LIMCH1: variants seen among roughly 807,000 people sequenced by gnomAD.
LIMCH1 encodes the protein LIM and calponin homology domains-containing protein 1.
A neutral mutation model predicts 176.5 loss-of-function variants in LIMCH1; 113 were observed. The observed-to-expected ratio is 0.64, with a 90% CI of 0.55 to 0.75. LIMCH1 has a LOEUF of 0.75. LIMCH1 is among the 30% of genes least tolerant of loss of function. LIMCH1 has a pLI of 0.00. For missense variants in LIMCH1, 1,674 were observed against 1,814.9 expected (o/e 0.92, Z 1.41); for synonymous variants, 619 against 645.9 (o/e 0.96, Z 0.63).
At chr4:41,425,745 T>A (rs908430553) in intron 1 of LIMCH1, among the ~76,000 whole-genome samples, 11 of 152,228 alleles carry the variant, frequency 7.2e-5, no homozygotes, top group Admixed American at 7.2e-4. Context: ...CTTTTAGTTG[T>A]TTACAATCAG....
intron 21 of LIMCH1, among the ~76,000 whole-genome samples, chr4:41,669,115 C>G (rs951182626): frequency 6.6e-6 from 1 of 152,118 alleles, no homozygotes; most frequent in South Asian, 2.1e-4. Flanking sequence ...AGACAAAATG[C>G]CTGGGTTCAA....
At chr4:41,471,834 T>G (rs2066999742) in intron 1 of LIMCH1, among the ~76,000 whole-genome samples, 1 of 152,196 alleles carries the variant, frequency 6.6e-6, no homozygotes, top group East Asian at 1.9e-4. Context: ...GAACTTCCTT[T>G]AGCTCTGCAC....
At chr4:41,528,029 T>C (rs1388480462) in intron 3 of LIMCH1, among the ~76,000 whole-genome samples, 1 of 152,110 alleles carries the variant, frequency 6.6e-6, no homozygotes, top group Non-Finnish European at 1.5e-5. Context: ...CTCTCAGTGT[T>C]GGATTTCCTG....
At position 41,654,057 on chromosome 4, in the gene LIMCH1, C is replaced by G. The variant is rs561930414; in HGVS notation, c.3036+3449C>G. ...TTTTTTGAAATAGAAGAATAAACTT[C>G]TAAACTTGGTAGGAAAAAAATGTTC... On this transcript the variant is annotated intron_variant, in intron 18 of 31. Transcript: ENST00000503057. Among the ~76,000 whole-genome samples the G allele has an allele frequency of 3.3e-5, 5 of 152,150 alleles. No individual in the cohort carries two copies. In the South Asian group the frequency reaches 1.0e-3, roughly 32 times the overall value.
At chr4:41,592,079 C>T (rs2087702790) in intron 1 of LIMCH1, among the ~76,000 whole-genome samples, 1 of 152,246 alleles carries the variant, frequency 6.6e-6, no homozygotes, top group Non-Finnish European at 1.5e-5. Context: ...CCTGCCCCTT[C>T]TCCCTCTGAT....
At position 41,598,926 on chromosome 4, in the gene LIMCH1, A is replaced by G; in HGVS notation, c.-234A>G. 3.1e-6 allele frequency: 5 copies of G among 1,595,686 alleles called. No individual in the cohort carries two copies. Among genetic ancestry groups the G allele is most frequent in the Admixed American group, 1.7e-5 (1 of 59,790 alleles). ...TTTCTTTTTTTCCTTCTAGGACAAT[A>G]TTATCTTATTCTTGAGAGGTTGTAA... is the stretch of plus-strand genomic sequence containing the variant. On this transcript the variant is annotated 5_prime_UTR_variant, in exon 2 of 32. It adds an upstream start codon to the 5' untranslated region. Coordinates refer to ENST00000503057, the MANE Select transcript of LIMCH1 (RefSeq NM_001330672.2).
intron 8 of LIMCH1, 75 bp from the exon 9 acceptor site, chr4:41,629,417 G>A: frequency 6.7e-7 from 1 of 1,485,324 alleles, no homozygotes; most frequent in Non-Finnish European, 9.0e-7. Context: ...TTCCATGCTT[G>A]ACATTCTCTT....
intron 7 of LIMCH1, among the ~76,000 whole-genome samples, chr4:41,621,547 G>C (rs148037105): frequency 0.014 from 2,059 of 150,734 alleles, 57 homozygotes; most frequent in African/African-American, 0.048. Flanking sequence ...CGTCACCCAA[G>C]CTGGGGTGCA....
intron 1 of LIMCH1, among the ~76,000 whole-genome samples, chr4:41,465,912 G>C (rs902595549): frequency 1.3e-5 from 2 of 150,394 alleles, no homozygotes; most frequent in Non-Finnish European, 2.9e-5. Context: ...GAATAGTTGT[G>C]ACAGTGTCTC....
At chr4:41,381,440 A>C (rs1282997756) in intron 1 of LIMCH1, among the ~76,000 whole-genome samples, 1 of 152,208 alleles carries the variant, frequency 6.6e-6, no homozygotes, top group South Asian at 2.1e-4. Flanking sequence ...ATAATTCCAA[A>C]TTCATGTTTC....
intron 1 of LIMCH1, among the ~76,000 whole-genome samples, chr4:41,447,147 C>G (rs757648523): frequency 1.7e-4 from 26 of 152,116 alleles, no homozygotes; most frequent in Non-Finnish European, 3.1e-4. Context: ...GGAAAATCGC[C>G]TGAGCCCAGG....
intron 1 of LIMCH1, among the ~76,000 whole-genome samples, chr4:41,585,301 T>C (rs1444076924): frequency 1.3e-5 from 2 of 152,350 alleles, no homozygotes; most frequent in East Asian, 3.9e-4. Context: ...AATCCTGCAA[T>C]ATCTGTTCTT....
At position 41,410,212 on chromosome 4, in the gene LIMCH1, A is replaced by G. The variant is rs149563584; in HGVS notation, c.96+49276A>G. Among the ~76,000 whole-genome samples the G allele has an allele frequency of 2.0e-3, 312 of 152,342 alleles. 1 individual carries two copies. The highest frequency in any genetic ancestry group is 6.8e-3 in the African/African-American group (281 of 41,590). ...ATTTTCATCGTACTGCCTTCCAGAA[A>G]CAAGGGAGGTATGACTCAAGACCCA... On this transcript the variant is annotated intron_variant, in intron 1 of 26. Coordinates refer to the LIMCH1 transcript ENST00000313860.
At chr4:41,672,050 A>C (rs1229854026) in intron 22 of LIMCH1, among the ~76,000 whole-genome samples, 1 of 152,202 alleles carries the variant, frequency 6.6e-6, no homozygotes, top group East Asian at 1.9e-4. Context: ...AAGTGATAAG[A>C]AAGCAAAATC....
At chr4:41,674,843 C>G (rs1271951933) in intron 22 of LIMCH1, among the ~76,000 whole-genome samples, 6 of 152,146 alleles carry the variant, frequency 3.9e-5, no homozygotes, top group African/African-American at 1.4e-4. Flanking sequence ...ACAGTTTCTA[C>G]CAACTCCATA....
chr4:41,646,088 TG>T (rs1353144057), intron 15 of LIMCH1, 34 bp from the exon 16 acceptor site: 1 of 1,578,522 alleles, frequency 6.3e-7, no homozygotes, highest in Admixed American at 1.9e-5. Flanking sequence ...TGCACAAGTC[TG>T]AAGAAGAATA....
At chr4:41,628,318 C>T (rs1388666872) in intron 8 of LIMCH1, among the ~76,000 whole-genome samples, 1 of 151,562 alleles carries the variant, frequency 6.6e-6, no homozygotes, top group Non-Finnish European at 1.5e-5. Flanking sequence ...CTGATATTTC[C>T]AGCTATATTT....
intron 14 of LIMCH1, among the ~76,000 whole-genome samples, chr4:41,641,078 G>A (rs2093803078): frequency 6.6e-6 from 1 of 152,142 alleles, no homozygotes; most frequent in South Asian, 2.1e-4. Context: ...GGCCCTTGGG[G>A]TAATTCCATC....
intron 2 of LIMCH1, among the ~76,000 whole-genome samples, chr4:41,505,665 C>T (rs2074054813): frequency 6.6e-6 from 1 of 152,140 alleles, no homozygotes; most frequent in Non-Finnish European, 1.5e-5. Flanking sequence ...AGTACCCATA[C>T]ACAACTCCAC....
Sources: allele counts gnomAD v4.1 joint callset (sites outside exome capture counted in the v4.1 genomes callset), GRCh38; gene constraint gnomAD v4.1.1; transcripts MANE v1.5; gene names NCBI Gene and HGNC (gene_info 2026-07-23, HGNC 2026-07-21).